TRAPPC12: variants seen among roughly 807,000 people sequenced by gnomAD.
TRAPPC12 encodes TPR repeat protein 15.
A neutral mutation model predicts 69.2 loss-of-function variants in TRAPPC12; 61 were observed. That is an observed-to-expected ratio of 0.88 (90% confidence interval 0.72 to 1.09). TRAPPC12 has a LOEUF of 1.09. Ranked by LOEUF, TRAPPC12 falls within the 50% of genes least tolerant of loss-of-function variation. The pLI is 0.00. For missense variants in TRAPPC12, 1,101 were observed against 1,016.4 expected (o/e 1.08, Z -1.13); for synonymous variants, 469 against 438.9 (o/e 1.07, Z -0.86).
chr2:3,402,359 A>G (rs544816574), intron 3 of TRAPPC12, among the ~76,000 whole-genome samples: 1 of 152,306 alleles, frequency 6.6e-6, no homozygotes, highest in South Asian at 2.1e-4. Context: ...TGGGAGGCCA[A>G]GGCGGGCAGA....
chr2:3,443,815 C>T lies in TRAPPC12; in HGVS notation c.1454C>T (p.Ala485Val), dbSNP rs769519523. Residue 485 changes from alanine to valine, a missense_variant, in exon 6 of 12, where the codon GCG becomes GTG. Coordinates refer to ENST00000324266, the MANE Select transcript of TRAPPC12 (RefSeq NM_016030.6). The stretch of plus-strand genomic sequence containing the variant: ...CCCTTCTCGATGCGCATCTTGCACG[C>T]GGAGCTTCAGCAGTACCTGGGGAAC... ...MVPFSMRILH[A>V]ELQQYLGNPQ... The T allele has an allele frequency of 9.3e-6, 15 of 1,613,994 alleles. No homozygotes were observed. Among genetic ancestry groups the T allele is most frequent in the African/African-American group, 2.7e-5 (2 of 74,912 alleles).
At chr2:3,384,939 A>G (rs937120988) in intron 1 of TRAPPC12, among the ~76,000 whole-genome samples, 1 of 152,186 alleles carries the variant, frequency 6.6e-6, no homozygotes, top group East Asian at 1.9e-4. Flanking sequence ...TTATAGAACT[A>G]TCTCGTCATA....
At chr2:3,461,586 C>A (rs1665504280) in intron 8 of TRAPPC12, among the ~76,000 whole-genome samples, 1 of 152,222 alleles carries the variant, frequency 6.6e-6, no homozygotes, top group East Asian at 1.9e-4. Flanking sequence ...TCTCCTTCAA[C>A]ACACTGGATA....
At chr2:3,436,866 C>T (rs558164033) in intron 5 of TRAPPC12, among the ~76,000 whole-genome samples, 1 of 137,804 alleles carries the variant, frequency 7.3e-6, no homozygotes, top group Admixed American at 7.1e-5. Context: ...CCCATCACCC[C>T]TGGATTAATC....
chr2:3,421,641 T>A, intron 3 of TRAPPC12: 1 of 706,588 alleles, frequency 1.4e-6, no homozygotes, highest in South Asian at 1.5e-5. Context: ...TTTTTATGAT[T>A]TGATCGGCTT....
In TRAPPC12 at chr2:3,424,558, T is replaced by A. The variant is rs767170506; in HGVS notation, c.1312T>A (p.Leu438Met). The A allele has an allele frequency of 6.2e-7, 1 of 1,613,732 alleles. No individual in the cohort carries two copies. Among genetic ancestry groups the A allele is most frequent in the Non-Finnish European group, 8.5e-7 (1 of 1,179,934 alleles). Residue 438 changes from leucine (L) to methionine (M), a missense_variant, in exon 5 of 12, where the codon TTG becomes ATG. Transcript: ENST00000324266. ...WFVRLALLVK[L>M]GLFQNAEMEF... is the part of the protein sequence containing the mutation. ...TGTCAGGCTGGCACTACTAGTGAAGTTGGGCCTTTTCCAGAATGCTGAGAT... is the reference window on the plus strand; with the variant it reads ...TGTCAGGCTGGCACTACTAGTGAAGATGGGCCTTTTCCAGAATGCTGAGAT...
chr2:3,387,427 AATGTAG>A (rs2103426515), intron 1 of TRAPPC12, among the ~76,000 whole-genome samples, 187 bp from the exon 2 acceptor site: 1 of 152,354 alleles, frequency 6.6e-6, no homozygotes, highest in South Asian at 2.1e-4. Context: ...GTTGCACAGA[AATGTAG>A]ATGTACTTAA....
At chr2:3,391,134 C>T (rs1165461492) in intron 2 of TRAPPC12, among the ~76,000 whole-genome samples, 3 of 152,042 alleles carry the variant, frequency 2.0e-5, no homozygotes, top group African/African-American at 7.3e-5. Context: ...TTTATTGCAA[C>T]CAAATTGTGG....
intron 9 of TRAPPC12, among the ~76,000 whole-genome samples, chr2:3,475,644 C>T (rs376971267): frequency 5.3e-5 from 8 of 152,128 alleles, no homozygotes; most frequent in African/African-American, 1.7e-4. Flanking sequence ...CTGTTATCTT[C>T]CTCTGAGACA....
At position 3,388,384 on chromosome 2, in the gene TRAPPC12, C is replaced by T. The variant is rs1157065303; in HGVS notation, c.761C>T (p.Pro254Leu). ...GCCAGCCCGCCTCCCCTCGCTGTGC[C>T]CGGGACCGAGGGGCGCCCCGAACCC... ...APASPPPLAVPGTEGRPEPVA... is the reference protein window; with the variant it reads ...APASPPPLAVLGTEGRPEPVA... Residue 254 changes from proline to leucine, a missense_variant, in exon 2 of 12, where the codon CCC (proline) becomes CTC (leucine). Pro to Leu is a moderately conservative substitution (Grantham distance 98). Transcript: ENST00000324266. The T allele has an allele frequency of 1.2e-6, 2 of 1,603,994 alleles. No individual in the cohort carries two copies. The highest frequency in any genetic ancestry group is 1.7e-6 in the Non-Finnish European group (2 of 1,175,206).
At chr2:3,470,325 C>A (rs1450883970) in intron 9 of TRAPPC12, among the ~76,000 whole-genome samples, 1 of 152,272 alleles carries the variant, frequency 6.6e-6, no homozygotes, top group Non-Finnish European at 1.5e-5. Context: ...TCCCCAGGGA[C>A]CCACGCCAAA....
chr2:3,405,184 G>T lies in TRAPPC12; in HGVS notation c.1164+3291G>T, dbSNP rs376459098. Among the ~76,000 whole-genome samples, 41 of 146,006 alleles carry T rather than the reference G, an allele frequency of 2.8e-4. No homozygotes were observed. In the East Asian group the frequency reaches 5.6e-3, roughly 20 times the overall value. On this transcript the variant is annotated intron_variant, in intron 3 of 11. Coordinates refer to ENST00000324266, the MANE Select transcript of TRAPPC12 (RefSeq NM_016030.6). ...TCTTGAGATGTCTTTTTTTGGGGGG[G>T]TGGGGGGAAAGGAGGATGAATTTTA... is the stretch of plus-strand genomic sequence containing the variant.
chr2:3,390,648 C>CTT (rs1361547004), intron 2 of TRAPPC12, among the ~76,000 whole-genome samples: 2 of 152,188 alleles, frequency 1.3e-5, no homozygotes, highest in Non-Finnish European at 2.9e-5. Context: ...CCGTGTGATA[C>CTT]TTTAATGCTG....
intron 5 of TRAPPC12, among the ~76,000 whole-genome samples, chr2:3,433,166 A>T (rs1246235727): frequency 6.6e-6 from 1 of 152,184 alleles, no homozygotes; most frequent in Admixed American, 6.5e-5. Context: ...CCCAGCGTTG[A>T]GCACAGGCAA....
intron 3 of TRAPPC12, among the ~76,000 whole-genome samples, chr2:3,409,139 ACT>A (rs1661897308): frequency 6.6e-6 from 1 of 152,016 alleles, no homozygotes; most frequent in Admixed American, 6.5e-5. Flanking sequence ...AAAAGTTAAG[ACT>A]CTCTTCAGAA....
intron 11 of TRAPPC12, 75 bp from the exon 12 acceptor site, chr2:3,479,144 C>T: frequency 6.4e-7 from 1 of 1,570,102 alleles, no homozygotes; most frequent in South Asian, 1.2e-5. Context: ...CTAACACGGC[C>T]CAGCACGCAG....
intron 9 of TRAPPC12, chr2:3,466,107 G>T (rs940229720): frequency 5.4e-5 from 21 of 390,948 alleles, no homozygotes; most frequent in Admixed American, 1.9e-4. Context: ...CTGAACAGTG[G>T]TCTCAGTAAT....
intron 2 of TRAPPC12, among the ~76,000 whole-genome samples, chr2:3,391,255 C>T (rs555481411): frequency 1.4e-4 from 22 of 152,274 alleles, no homozygotes; most frequent in Admixed American, 5.2e-4. Flanking sequence ...AAAGAAGGAC[C>T]TACAGCCCCC....
chr2:3,409,741 C>CTTTTTTTTT (rs1558358525), intron 3 of TRAPPC12, among the ~76,000 whole-genome samples: 3 of 51,752 alleles, frequency 5.8e-5, no homozygotes, highest in Non-Finnish European at 1.1e-4. Context: ...CAAAGCAAGA[C>CTTTTTTTTT]TTTGTCTTTA....
Sources: allele counts gnomAD v4.1 joint callset (sites outside exome capture counted in the v4.1 genomes callset), GRCh38; gene constraint gnomAD v4.1.1; transcripts MANE v1.5; gene names NCBI Gene and HGNC (gene_info 2026-07-23, HGNC 2026-07-21).